EXD1: variants seen among roughly 807,000 people sequenced by gnomAD.
EXD1 encodes the protein piRNA biogenesis protein EXD1.
Under a neutral mutation model 49.1 loss-of-function variants are expected in EXD1, and 63 were observed. The observed-to-expected ratio is 1.28, with a 90% confidence interval of 1.05 to 1.58. The LOEUF (loss-of-function observed/expected upper bound fraction) is 1.58. Among genes scored for constraint, EXD1 ranks in the 40% most tolerant of loss-of-function variants. EXD1 has a pLI of 0.00. For synonymous variants in EXD1, 234 were observed against 239.2 expected, an observed-to-expected ratio of 0.98 and a Z score of 0.20; for missense variants, 748 against 666.0, an observed-to-expected ratio of 1.12 and a Z score of -1.36.
In EXD1 at chr15:41,230,540, A is replaced by G; in HGVS notation, c.-115T>C. The G allele has an allele frequency of 6.2e-7, 1 of 1,614,174 alleles. No individual in the cohort carries two copies. The highest frequency in any genetic ancestry group is 8.5e-7 in the Non-Finnish European group (1 of 1,180,012). On this transcript the variant is annotated 5_prime_UTR_variant, in exon 1 of 12. Coordinates refer to ENST00000458580, the MANE Select transcript of EXD1 (RefSeq NM_001286441.2). The stretch of plus-strand genomic sequence containing the variant: ...CTTTTTCCTCCGAAGGAAGTTTGGG[A>G]AATCTGGATCCTAATTTCAGCCAAG...
chr15:41,203,529 C>A (rs1205142476), intron 7 of EXD1, among the ~76,000 whole-genome samples: 1 of 152,076 alleles, frequency 6.6e-6, no homozygotes, highest in Non-Finnish European at 1.5e-5. Context: ...CTCTTGGTCC[C>A]ATTATTTCCT....
chr15:41,204,610 T>C (rs1356810854), intron 7 of EXD1, among the ~76,000 whole-genome samples: 1 of 151,262 alleles, frequency 6.6e-6, no homozygotes, highest in African/African-American at 2.4e-5. Flanking sequence ...TAGTCCCAAG[T>C]AGTCCAGCTA....
chr15:41,199,732 T>TATATATCATATATAATATATC (rs1159105027), intron 7 of EXD1, among the ~76,000 whole-genome samples: 2 of 78,818 alleles, frequency 2.5e-5, no homozygotes, highest in South Asian at 3.9e-4. Flanking sequence ...TTATATATGA[T>TATATATCATATATAATATATC]ATATATGTCA....
chr15:41,206,046 C>T (rs2046817424), intron 7 of EXD1, among the ~76,000 whole-genome samples: 1 of 151,674 alleles, frequency 6.6e-6, no homozygotes, highest in African/African-American at 2.4e-5. Context: ...TGTGACATAA[C>T]TAAGTTGGAA....
At chr15:41,223,490 G>C (rs1437925996) in intron 2 of EXD1, among the ~76,000 whole-genome samples, 1 of 152,002 alleles carries the variant, frequency 6.6e-6, no homozygotes, top group Non-Finnish European at 1.5e-5. Context: ...GGAGGCTGAG[G>C]TGGGAGGATC....
intron 11 of EXD1, among the ~76,000 whole-genome samples, chr15:41,188,530 C>T (rs759010683): frequency 2.6e-4 from 40 of 151,180 alleles, no homozygotes; most frequent in Non-Finnish European, 4.0e-4. Flanking sequence ...GTAGCTGGGA[C>T]TACAGGTGCC....
At chr15:41,218,528 G>A (rs1055680900) in intron 3 of EXD1, among the ~76,000 whole-genome samples, 2 of 150,422 alleles carry the variant, frequency 1.3e-5, no homozygotes, top group African/African-American at 4.9e-5. Flanking sequence ...GCCAAACCCT[G>A]GAGAAGAATT....
chr15:41,220,997 C>G (rs185668306), intron 2 of EXD1, among the ~76,000 whole-genome samples: 1 of 152,118 alleles, frequency 6.6e-6, no homozygotes, highest in Non-Finnish European at 1.5e-5. Flanking sequence ...TGTAAGCCAC[C>G]GTGCCCAGCC....
rs2047118700 is a variant in EXD1 at position 41,223,419 on chromosome 15, CA to C, written c.133+3023del. Among the ~76,000 whole-genome samples, 8 of 150,410 alleles carry C rather than the reference CA, an allele frequency of 5.3e-5. No homozygotes were observed. The South Asian group carries it at 1.7e-3, about 32-fold the overall frequency. ...TGAATGACAGAGCAAGACTCTGTGT[CA>C]AAAAAAATTTTTTTTCGGGGCTGGG... On this transcript the variant is annotated intron_variant, in intron 2 of 11. Coordinates refer to ENST00000458580, the MANE Select transcript of EXD1 (RefSeq NM_001286441.2).
intron 6 of EXD1, among the ~76,000 whole-genome samples, chr15:41,213,937 A>G (rs75714225): frequency 0.024 from 3,638 of 152,254 alleles, 139 homozygotes; most frequent in African/African-American, 0.082. Flanking sequence ...TCTTCTGTTC[A>G]GTTCAGACTT....
intron 7 of EXD1, among the ~76,000 whole-genome samples, chr15:41,198,699 T>TA (rs2046655378): frequency 1.5e-5 from 2 of 133,394 alleles, no homozygotes; most frequent in African/African-American, 3.5e-5. Context: ...TATTTTTTAA[T>TA]TAAAAAAAAT....
chr15:41,223,885 T>C (rs1451631099), intron 2 of EXD1, among the ~76,000 whole-genome samples: 5 of 152,028 alleles, frequency 3.3e-5, no homozygotes, highest in African/African-American at 1.2e-4. Flanking sequence ...AAAAAATTAA[T>C]TAATTAAAAA....
rs76530791 is a variant in EXD1 at position 41,189,713 on chromosome 15, T to C, written c.1056+224A>G. 1.2e-4 allele frequency among the ~76,000 whole-genome samples: 18 copies of C among 150,254 alleles called. No homozygotes were observed. The East Asian group carries it at 3.5e-3, about 29-fold the overall frequency. On this transcript the variant is annotated intron_variant, in intron 11 of 11. Transcript: ENST00000458580. ...ATAAAATAAAATAAAAATATGGAAATATTAAACTTACCCATTCTTAGACAG... is the reference window on the plus strand; with the variant it reads ...ATAAAATAAAATAAAAATATGGAAACATTAAACTTACCCATTCTTAGACAG...
At chr15:41,217,408 C>G (rs1030194613) in intron 3 of EXD1, among the ~76,000 whole-genome samples, 3 of 152,154 alleles carry the variant, frequency 2.0e-5, no homozygotes, top group African/African-American at 7.2e-5. Context: ...TCTATACATC[C>G]CCTTCACCCT....
At chr15:41,215,618 G>A (rs1056843877) in intron 6 of EXD1, among the ~76,000 whole-genome samples, 157 bp downstream of exon 6, 8 of 151,966 alleles carry the variant, frequency 5.3e-5, no homozygotes, top group East Asian at 1.9e-4. Flanking sequence ...CCTGGGAGGC[G>A]GAGCTTGCAG....
intron 11 of EXD1, among the ~76,000 whole-genome samples, chr15:41,187,947 G>A (rs901562039): frequency 1.3e-4 from 20 of 149,964 alleles, no homozygotes; most frequent in African/African-American, 4.9e-4. Context: ...CCCAGGAGGT[G>A]GAGTTTGTAG....
chr15:41,202,794 T>A (rs931557648), intron 7 of EXD1, among the ~76,000 whole-genome samples: 2 of 151,988 alleles, frequency 1.3e-5, no homozygotes, highest in Non-Finnish European at 2.9e-5. Flanking sequence ...GGTGTGTGCC[T>A]GTAGCCCCAG....
chr15:41,185,521 G>A (rs892276460), intron 11 of EXD1, among the ~76,000 whole-genome samples: 3 of 151,180 alleles, frequency 2.0e-5, no homozygotes, highest in African/African-American at 7.3e-5. Flanking sequence ...AATTTTTGTG[G>A]GGTTTTTTTT....
intron 9 of EXD1, among the ~76,000 whole-genome samples, chr15:41,193,324 T>C (rs2046560376): frequency 6.6e-6 from 1 of 152,148 alleles, no homozygotes; most frequent in Admixed American, 6.6e-5. Flanking sequence ...CAAGAATTAT[T>C]TTTAGTGGGC....
Sources: allele counts gnomAD v4.1 joint callset (sites outside exome capture counted in the v4.1 genomes callset), GRCh38; gene constraint gnomAD v4.1.1; transcripts MANE v1.5; gene names NCBI Gene and HGNC (gene_info 2026-07-23, HGNC 2026-07-21).